ADGRB3: variants seen among roughly 807,000 people sequenced by gnomAD.
ADGRB3 encodes adhesion G protein-coupled receptor B3, also known as brain-specific angiogenesis inhibitor 3.
A neutral mutation model predicts 193.4 loss-of-function variants in ADGRB3; 37 were observed. The ratio of observed to expected loss-of-function variants is 0.19; its 90% CI spans 0.15 to 0.25. ADGRB3 has a LOEUF of 0.25. ADGRB3 is among the 10% of genes least tolerant of loss of function. The pLI, the probability that ADGRB3 is intolerant of heterozygous loss-of-function variation, is 1.00. For missense variants in ADGRB3, 1,637 were observed against 1,852.9 expected (o/e 0.88, Z 2.14); for synonymous variants, 690 against 644.2 (o/e 1.07, Z -1.08).
intron 4 of ADGRB3, among the ~76,000 whole-genome samples, chr6:68,932,059 A>C (rs947050194): frequency 6.6e-6 from 1 of 152,190 alleles, no homozygotes; most frequent in Non-Finnish European, 1.5e-5. Context: ...AGGGAGCAAA[A>C]AGTCTCAACC....
intron 3 of ADGRB3, among the ~76,000 whole-genome samples, chr6:68,774,468 G>C (rs1766700233): frequency 6.7e-6 from 1 of 148,458 alleles, no homozygotes; most frequent in Admixed American, 6.8e-5. Flanking sequence ...AGGAATATAT[G>C]TGTTTAGCTT....
chr6:68,706,332 T>C (rs573883185), intron 3 of ADGRB3, among the ~76,000 whole-genome samples: 1 of 152,266 alleles, frequency 6.6e-6, no homozygotes, highest in Non-Finnish European at 1.5e-5. Context: ...GAAAAATAAG[T>C]ACCTCAATTT....
intron 20 of ADGRB3, among the ~76,000 whole-genome samples, chr6:69,307,843 T>C (rs1395045206): frequency 1.3e-5 from 2 of 151,386 alleles, no homozygotes; most frequent in Non-Finnish European, 3.0e-5. Context: ...GGCACAAATG[T>C]GACTCCATCT....
intron 3 of ADGRB3, among the ~76,000 whole-genome samples, chr6:68,745,272 G>A (rs1766061462): frequency 6.6e-6 from 1 of 152,168 alleles, no homozygotes; most frequent in Admixed American, 6.6e-5. Flanking sequence ...CCTTAAAAAT[G>A]AAGTAAATTC....
chr6:69,371,482 T>A (rs1024619358), intron 29 of ADGRB3, among the ~76,000 whole-genome samples: 3 of 152,098 alleles, frequency 2.0e-5, no homozygotes, highest in Admixed American at 2.0e-4. Context: ...GGTTTGTATA[T>A]TTTTCCAACT....
chr6:68,659,625 T>C (rs1043625953), intron 3 of ADGRB3, among the ~76,000 whole-genome samples: 2 of 151,078 alleles, frequency 1.3e-5, no homozygotes, highest in African/African-American at 2.4e-5. Flanking sequence ...GAATTATTTT[T>C]ATATGTTATC....
intron 14 of ADGRB3, among the ~76,000 whole-genome samples, chr6:69,048,713 G>T (rs1771307512): frequency 6.6e-6 from 1 of 151,872 alleles, no homozygotes; most frequent in Non-Finnish European, 1.5e-5. Context: ...ATTTGCTTCG[G>T]TTTGAAGATA....
chr6:68,827,442 T>C (rs771865499), intron 3 of ADGRB3, among the ~76,000 whole-genome samples: 14 of 148,732 alleles, frequency 9.4e-5, no homozygotes, highest in Non-Finnish European at 1.9e-4. Context: ...ATAAAAGAGA[T>C]TTTTTTTTTC....
At chr6:69,043,148 C>T (rs751790925) in intron 13 of ADGRB3, among the ~76,000 whole-genome samples, 11 of 151,684 alleles carry the variant, frequency 7.3e-5, no homozygotes, top group Non-Finnish European at 1.6e-4. Flanking sequence ...TTTAACCTGG[C>T]TGATCTTGTG....
intron 3 of ADGRB3, among the ~76,000 whole-genome samples, chr6:68,735,195 T>G: frequency 6.6e-6 from 1 of 152,120 alleles, no homozygotes; most frequent in Middle Eastern, 3.4e-3. Context: ...AAAAATATTG[T>G]CGAATGAATG....
intron 3 of ADGRB3, among the ~76,000 whole-genome samples, chr6:68,886,674 A>T (rs759339031): frequency 1.3e-5 from 2 of 152,094 alleles, no homozygotes; most frequent in Non-Finnish European, 2.9e-5. Flanking sequence ...GAGCAAAAAT[A>T]ATTAGATTAA....
At chr6:69,034,295 C>T (rs1770800419) in intron 13 of ADGRB3, among the ~76,000 whole-genome samples, 1 of 151,662 alleles carries the variant, frequency 6.6e-6, no homozygotes, top group African/African-American at 2.4e-5. Flanking sequence ...TCCCTAACTC[C>T]AAATACTTAC....
rs148507675 is a variant in ADGRB3 at position 68,982,085 on chromosome 6, C to G, written c.1734+6745C>G. Among the ~76,000 whole-genome samples, 77 of 152,012 alleles carry G rather than the reference C, an allele frequency of 5.1e-4. No individual in the cohort carries two copies. The East Asian group carries it at 0.013, about 26-fold the overall frequency. On this transcript the variant is annotated intron_variant, in intron 10 of 31. Transcript: ENST00000370598. The stretch of plus-strand genomic sequence containing the variant: ...ATTTTCAGTAGAAACGGGTTTTCAT[C>G]ATGTTGGCCGGGCTGGTCTTGAACT...
chr6:68,637,978 A>G (rs914308604), intron 2 of ADGRB3, among the ~76,000 whole-genome samples: 1 of 152,208 alleles, frequency 6.6e-6, no homozygotes, highest in East Asian at 1.9e-4. Flanking sequence ...CCCTTTCTCA[A>G]ATGATGGTTT....
At chr6:69,210,109 T>TAC (rs151244765) in intron 17 of ADGRB3, among the ~76,000 whole-genome samples, 21 of 134,460 alleles carry the variant, frequency 1.6e-4, no homozygotes, top group African/African-American at 2.3e-4. Flanking sequence ...TGTATATAGA[T>TAC]ACACACACAC....
intron 3 of ADGRB3, among the ~76,000 whole-genome samples, chr6:68,906,639 ATTGT>A (rs1395701590): frequency 1.3e-5 from 2 of 151,936 alleles, no homozygotes; most frequent in South Asian, 2.1e-4. Context: ...TCTTAAAAGT[ATTGT>A]TTATGTTTTA....
intron 3 of ADGRB3, among the ~76,000 whole-genome samples, chr6:68,673,909 A>G (rs988080741): frequency 7.9e-5 from 12 of 152,120 alleles, no homozygotes; most frequent in South Asian, 2.1e-4. Context: ...TGCTATCTCT[A>G]TGTGCCTTTG....
At chr6:69,154,312 C>A (rs553155335) in intron 17 of ADGRB3, among the ~76,000 whole-genome samples, 1 of 152,292 alleles carries the variant, frequency 6.6e-6, no homozygotes, top group East Asian at 1.9e-4. Flanking sequence ...TCTATCTTCA[C>A]TTTCACTACC....
At chr6:69,025,903 T>C (rs1770419680) in intron 13 of ADGRB3, among the ~76,000 whole-genome samples, 1 of 152,166 alleles carries the variant, frequency 6.6e-6, no homozygotes, top group African/African-American at 2.4e-5. Context: ...TGAAAGGCTA[T>C]ATCAGACCCT....
Sources: gnomAD v4.1 joint callset for allele counts (sites outside exome capture counted in the v4.1 genomes callset) on GRCh38, gnomAD v4.1.1 for gene constraint, MANE v1.5 for transcripts, NCBI Gene and HGNC (gene_info 2026-07-23, HGNC 2026-07-21) for gene names.